KIAA1217: variants seen among roughly 807,000 people sequenced by gnomAD.
KIAA1217 encodes KIAA1217, also known as sickle tail protein homolog.
Under a neutral mutation model 163.9 loss-of-function variants are expected in KIAA1217, and 88 were observed. That is an observed-to-expected ratio of 0.54 (90% CI 0.45 to 0.64). The LOEUF (loss-of-function observed/expected upper bound fraction) is 0.64. Ranked by LOEUF, KIAA1217 falls within the 30% of genes least tolerant of loss-of-function variation. KIAA1217 has a pLI of 0.00. For synonymous variants in KIAA1217, 903 were observed against 923.1 expected, an observed-to-expected ratio of 0.98 and a Z score of 0.39; for missense variants, 2,372 against 2,475.0, an observed-to-expected ratio of 0.96 and a Z score of 0.88.
At chr10:23,847,801 G>T (rs1161737029) in intron 1 of KIAA1217, among the ~76,000 whole-genome samples, 1 of 152,032 alleles carries the variant, frequency 6.6e-6, no homozygotes, top group African/African-American at 2.4e-5. Flanking sequence ...TCTTTCAATT[G>T]TGATGTTAGG....
At chr10:23,804,280 T>C (rs1425433181) in intron 1 of KIAA1217, among the ~76,000 whole-genome samples, 2 of 152,226 alleles carry the variant, frequency 1.3e-5, no homozygotes, top group Non-Finnish European at 2.9e-5. Flanking sequence ...TATATGCTGC[T>C]GATGTGCTAT....
At chr10:24,069,211 A>G (rs1374964256) in intron 2 of KIAA1217, among the ~76,000 whole-genome samples, 1 of 152,220 alleles carries the variant, frequency 6.6e-6, no homozygotes, top group African/African-American at 2.4e-5. Context: ...GTACTGCAGT[A>G]CAGGTGAGAC....
intron 2 of KIAA1217, among the ~76,000 whole-genome samples, chr10:24,165,797 G>C (rs151269983): frequency 6.6e-5 from 10 of 152,320 alleles, no homozygotes; most frequent in Non-Finnish European, 1.3e-4. Flanking sequence ...TCAACACTGA[G>C]TTCAAACTAT....
At chr10:24,016,119 C>T (rs1340253059) in intron 2 of KIAA1217, among the ~76,000 whole-genome samples, 1 of 152,118 alleles carries the variant, frequency 6.6e-6, no homozygotes, top group Non-Finnish European at 1.5e-5. Context: ...TTCCAAGTCT[C>T]CTCTGAAGCT....
intron 1 of KIAA1217, among the ~76,000 whole-genome samples, chr10:23,858,134 G>A (rs903030573): frequency 6.6e-6 from 1 of 151,984 alleles, no homozygotes; most frequent in Non-Finnish European, 1.5e-5. Context: ...TCAAGAAACG[G>A]GAGCCAAGGC....
chr10:24,450,648 A>G (rs2061315940), intron 5 of KIAA1217, among the ~76,000 whole-genome samples: 1 of 152,216 alleles, frequency 6.6e-6, no homozygotes, highest in Admixed American at 6.5e-5. Flanking sequence ...AATATACCTG[A>G]GAAGTTGTTA....
intron 1 of KIAA1217, among the ~76,000 whole-genome samples, chr10:23,801,216 A>G (rs1380369670): frequency 6.6e-6 from 1 of 152,168 alleles, no homozygotes; most frequent in Non-Finnish European, 1.5e-5. Flanking sequence ...TCAGCAAACT[A>G]ACACAGGAAC....
Position 24,172,636 on chromosome 10 carries a change from A to G in KIAA1217, c.-170-46990A>G, listed in dbSNP as rs116716682. 6.7e-3 allele frequency among the ~76,000 whole-genome samples: 1,026 copies of G among 152,358 alleles called. 13 individuals carry two copies. Among genetic ancestry groups the G allele is most frequent in the African/African-American group, 0.023 (953 of 41,576 alleles). On this transcript the variant is annotated intron_variant, in intron 2 of 18. Coordinates refer to the KIAA1217 transcript ENST00000376462. ...AATGGTTAAACATGCTTAGCACATC[A>G]TAAGACTATATAGGTGCTGGCCATC...
intron 2 of KIAA1217, among the ~76,000 whole-genome samples, chr10:24,372,794 A>C (rs1032213396): frequency 3.9e-5 from 6 of 152,220 alleles, no homozygotes; most frequent in African/African-American, 1.4e-4. Flanking sequence ...AGTACTCTAG[A>C]GTACACAGAC....
chr10:24,335,294 G>GTT lies in KIAA1217; in HGVS notation c.355-45561_355-45560dup, dbSNP rs57833930. Among the ~76,000 whole-genome samples the GTT allele has an allele frequency of 9.2e-3, 1,283 of 139,612 alleles. 12 individuals are homozygous for GTT. Among genetic ancestry groups the GTT allele is most frequent in the African/African-American group, 0.024 (927 of 37,884 alleles). 91.6% of individuals were successfully genotyped at this position (139,612 alleles called of 152,430 possible). A position where few individuals can be genotyped will look rare whatever the true frequency, so the allele number is the denominator to read the frequency against. ...GAATAACTGCTAATGGGCAAGGAGG[G>GTT]TTTTTTTTTTTTTTTGAGACGGAGT... On this transcript the variant is annotated intron_variant, in intron 2 of 20. Transcript: ENST00000376454.
chr10:23,860,956 C>G (rs928758642), intron 1 of KIAA1217, among the ~76,000 whole-genome samples: 2 of 150,680 alleles, frequency 1.3e-5, no homozygotes, highest in African/African-American at 4.9e-5. Context: ...CTCTGTTACC[C>G]AGGCTGGAGT....
intron 2 of KIAA1217, among the ~76,000 whole-genome samples, chr10:24,022,177 A>G (rs1436502991): frequency 6.6e-6 from 1 of 151,682 alleles, no homozygotes; most frequent in East Asian, 1.9e-4. Context: ...CACACACTGG[A>G]AGAAATATTT....
At chr10:24,055,256 G>C (rs912708515) in intron 2 of KIAA1217, among the ~76,000 whole-genome samples, 1 of 152,090 alleles carries the variant, frequency 6.6e-6, no homozygotes, top group Admixed American at 6.5e-5. Flanking sequence ...AACAGAGTGA[G>C]ACCCTGTCTC....
intron 6 of KIAA1217, among the ~76,000 whole-genome samples, chr10:24,490,373 T>A (rs1469344276): frequency 1.3e-5 from 2 of 152,094 alleles, no homozygotes. Context: ...AATGACAGGG[T>A]TGTGTTCATT....
chr10:24,415,238 C>A (rs2058143778), intron 3 of KIAA1217, among the ~76,000 whole-genome samples: 1 of 151,768 alleles, frequency 6.6e-6, no homozygotes, highest in Non-Finnish European at 1.5e-5. Context: ...CCTCAGCCTC[C>A]TGAATAGCTG....
intron 1 of KIAA1217, among the ~76,000 whole-genome samples, chr10:23,883,744 C>T (rs1460995407): frequency 6.6e-6 from 1 of 151,892 alleles, no homozygotes; most frequent in East Asian, 1.9e-4. Flanking sequence ...AGAATAGCCT[C>T]GCTACCCTAA....
intron 9 of KIAA1217, among the ~76,000 whole-genome samples, chr10:24,508,962 T>C (rs1462266807): frequency 6.6e-6 from 1 of 152,216 alleles, no homozygotes; most frequent in Non-Finnish European, 1.5e-5. Context: ...TAGCTGTCTT[T>C]CAGCAGTGGT....
intron 1 of KIAA1217, among the ~76,000 whole-genome samples, chr10:23,717,477 C>T (rs1837643731): frequency 6.6e-6 from 1 of 151,984 alleles, no homozygotes; most frequent in African/African-American, 2.4e-5. Flanking sequence ...GCCATACTCT[C>T]CAGAATAATA....
intron 1 of KIAA1217, among the ~76,000 whole-genome samples, chr10:23,743,089 G>T (rs1267924053): frequency 2.6e-5 from 4 of 152,142 alleles, no homozygotes; most frequent in Non-Finnish European, 5.9e-5. Flanking sequence ...GGGCAGGGGA[G>T]AAAAACACAG....
Sources: gnomAD v4.1 joint callset for allele counts (sites outside exome capture counted in the v4.1 genomes callset) on GRCh38, gnomAD v4.1.1 for gene constraint, MANE v1.5 for transcripts, NCBI Gene and HGNC (gene_info 2026-07-23, HGNC 2026-07-21) for gene names.